The following PCCA variants were observed in gnomAD, a reference collection of about 807,000 sequenced individuals.
PCCA encodes propionyl-CoA carboxylase alpha chain, mitochondrial.
A neutral mutation model predicts 101.3 loss-of-function variants in PCCA; 74 were observed. The observed-to-expected ratio is 0.73, with a 90% CI of 0.61 to 0.89. PCCA has a LOEUF of 0.89. Ranked by LOEUF, PCCA falls within the 40% of genes least tolerant of loss-of-function variation. PCCA has a pLI of 0.00. For missense variants in PCCA, 891 were observed against 907.0 expected (o/e 0.98, Z 0.23); for synonymous variants, 294 against 313.6 (o/e 0.94, Z 0.66).
chr13:100,302,173 C>T (rs1212659404), intron 13 of PCCA, among the ~76,000 whole-genome samples: 1 of 151,952 alleles, frequency 6.6e-6, no homozygotes, highest in Non-Finnish European at 1.5e-5. Flanking sequence ...ACTCTCAGTT[C>T]AGTACTTCTA....
chr13:100,090,009 A>G (rs574150216), intron 1 of PCCA, among the ~76,000 whole-genome samples: 1 of 152,330 alleles, frequency 6.6e-6, no homozygotes, highest in East Asian at 1.9e-4. Flanking sequence ...CCTACTTTAT[A>G]AGGTTTGTTG....
chr13:100,134,820 G>T (rs1039501553), intron 4 of PCCA, among the ~76,000 whole-genome samples: 2 of 152,146 alleles, frequency 1.3e-5, no homozygotes, highest in Non-Finnish European at 2.9e-5. Context: ...TTACAGGTGT[G>T]AGCCACCATG....
intron 12 of PCCA, among the ~76,000 whole-genome samples, chr13:100,274,582 C>G (rs2063516656): frequency 6.6e-6 from 1 of 152,134 alleles, no homozygotes; most frequent in African/African-American, 2.4e-5. Flanking sequence ...CTCCATGCCT[C>G]TCTCCTGGTT....
rs545602502 is a variant in PCCA at position 100,276,703 on chromosome 13, A to G, written c.1065+3357A>G. Among the ~76,000 whole-genome samples, 60 of 152,006 alleles carry G rather than the reference A, an allele frequency of 3.9e-4. 1 individual carries two copies. The highest frequency in any genetic ancestry group is 3.6e-3 in the Admixed American group (55 of 15,274). On this transcript the variant is annotated intron_variant, in intron 12 of 23. Coordinates refer to ENST00000376285, the MANE Select transcript of PCCA (RefSeq NM_000282.4). ...ATCACCCATTGAGTTCCTGATTTCA[A>G]TTGTTTATATTTCAGTTCTGAAATT...
intron 6 of PCCA, among the ~76,000 whole-genome samples, chr13:100,194,152 A>G (rs1347064894): frequency 6.6e-6 from 1 of 152,186 alleles, no homozygotes; most frequent in Non-Finnish European, 1.5e-5. Context: ...TGTAGGCTAT[A>G]GTAAAACACA....
chr13:100,150,817 C>G, intron 4 of PCCA: 13 of 1,585,414 alleles, frequency 8.2e-6, no homozygotes, highest in Non-Finnish European at 1.1e-5. Context: ...TTGGAGCAAA[C>G]TTTAGCTGGT....
intron 4 of PCCA, chr13:100,150,611 A>G (rs1456985278): frequency 1.7e-6 from 2 of 1,210,742 alleles, no homozygotes; most frequent in Admixed American, 1.7e-5. Context: ...ATGTCAGCCC[A>G]CACATCTCCC....
chr13:100,265,209 C>T (rs945984153), intron 10 of PCCA, among the ~76,000 whole-genome samples: 1 of 152,146 alleles, frequency 6.6e-6, no homozygotes, highest in Non-Finnish European at 1.5e-5. Context: ...AAGTTTAAGT[C>T]TACTTTGTGT....
chr13:100,389,942 C>G (rs2076720034), intron 19 of PCCA, among the ~76,000 whole-genome samples: 2 of 152,158 alleles, frequency 1.3e-5, no homozygotes, highest in Admixed American at 1.3e-4. Context: ...GGAGATCACT[C>G]TGCCTTCATG....
In PCCA at chr13:100,443,572, T is replaced by A. The variant is rs555417760; in HGVS notation, c.1846-5680T>A. On this transcript the variant is annotated intron_variant, in intron 20 of 23. Coordinates refer to ENST00000376285, the MANE Select transcript of PCCA (RefSeq NM_000282.4). ...CATTCATTCATTTTTGTCTGCCATGTATAGCTGCTTTTGCAGTTTTTGTCG... is the reference window on the plus strand; with the variant it reads ...CATTCATTCATTTTTGTCTGCCATGAATAGCTGCTTTTGCAGTTTTTGTCG... Among the ~76,000 whole-genome samples the A allele has an allele frequency of 3.1e-4, 47 of 152,314 alleles. No individual in the cohort carries two copies. The South Asian group carries it at 4.6e-3, about 15-fold the overall frequency.
At chr13:100,453,548 A>G (rs1343229036) in intron 21 of PCCA, among the ~76,000 whole-genome samples, 1 of 152,034 alleles carries the variant, frequency 6.6e-6, no homozygotes, top group Admixed American at 6.6e-5. Context: ...GGGACTGTGG[A>G]GCTGAACTAA....
chr13:100,185,893 C>T (rs1178587629), intron 6 of PCCA, among the ~76,000 whole-genome samples: 3 of 152,248 alleles, frequency 2.0e-5, no homozygotes, highest in South Asian at 2.1e-4. Context: ...GCGATCCACC[C>T]GCCTTGGCCT....
intron 4 of PCCA, among the ~76,000 whole-genome samples, chr13:100,115,003 A>G (rs985150889): frequency 5.9e-5 from 9 of 152,202 alleles, no homozygotes; most frequent in Non-Finnish European, 1.2e-4. Flanking sequence ...CATTTTTCAC[A>G]ATAGCCAAGA....
At chr13:100,262,142 C>CA (rs1266897314) in intron 9 of PCCA, among the ~76,000 whole-genome samples, 4 of 152,056 alleles carry the variant, frequency 2.6e-5, no homozygotes, top group African/African-American at 9.7e-5. Context: ...CCTGTAATCC[C>CA]AGCACTTTGG....
intron 12 of PCCA, among the ~76,000 whole-genome samples, chr13:100,281,052 G>T (rs74113881): frequency 0.013 from 1,926 of 152,174 alleles, 43 homozygotes; most frequent in African/African-American, 0.044. Flanking sequence ...TGATCACATC[G>T]ACTGTATGAT....
chr13:100,109,897 C>T (rs373814142), intron 2 of PCCA, among the ~76,000 whole-genome samples: 14 of 152,082 alleles, frequency 9.2e-5, no homozygotes, highest in Non-Finnish European at 1.6e-4. Flanking sequence ...TTTGGGAGGC[C>T]GAGGCAGGCG....
chr13:100,299,939 C>T (rs1009600971), intron 12 of PCCA, among the ~76,000 whole-genome samples: 1 of 152,216 alleles, frequency 6.6e-6, no homozygotes, highest in South Asian at 2.1e-4. Flanking sequence ...GTCTCAAACT[C>T]CTGACCTGAA....
chr13:100,196,802 C>T lies in PCCA; in HGVS notation c.469-12530C>T, dbSNP rs139647084. ...ATTTTAAAATAATAGAACCTTTACCCCCTTCCACTACCCATCTCCCATAGC... is the reference window on the plus strand; with the variant it reads ...ATTTTAAAATAATAGAACCTTTACCTCCTTCCACTACCCATCTCCCATAGC... On this transcript the variant is annotated intron_variant, in intron 6 of 23. Transcript: ENST00000376285. Among the ~76,000 whole-genome samples, 1,442 of 152,252 alleles carry T rather than the reference C, an allele frequency of 9.5e-3. 12 individuals carry two copies. Among genetic ancestry groups the T allele is most frequent in the Middle Eastern group, 0.027 (8 of 294 alleles).
chr13:100,095,838 A>G (rs1379992376), intron 1 of PCCA, among the ~76,000 whole-genome samples: 1 of 152,124 alleles, frequency 6.6e-6, no homozygotes, highest in African/African-American at 2.4e-5. Flanking sequence ...AGTTGGAGGC[A>G]TTTAAGCACA....
Sources: allele counts gnomAD v4.1 joint callset (sites outside exome capture counted in the v4.1 genomes callset), GRCh38; gene constraint gnomAD v4.1.1; transcripts MANE v1.5; gene names NCBI Gene and HGNC (gene_info 2026-07-23, HGNC 2026-07-21).